FAM168A: variants seen among roughly 807,000 people sequenced by gnomAD.
FAM168A encodes the protein family with sequence similarity 168 member A, also known as protein FAM168A.
In FAM168A, 3 loss-of-function variants were observed where a neutral mutation model predicts 28.5. The observed-to-expected ratio is 0.11, with a 90% CI of 0.05 to 0.27. The LOEUF (loss-of-function observed/expected upper bound fraction) is 0.27, where lower values mean the gene tolerates loss of function less well. Ranked by LOEUF, FAM168A falls within the 10% of genes least tolerant of loss-of-function variation. FAM168A has a pLI of 1.00. For synonymous variants in FAM168A, 122 were observed against 124.2 expected, an observed-to-expected ratio of 0.98 and a Z score of 0.12; for missense variants, 222 against 311.5, an observed-to-expected ratio of 0.71 and a Z score of 2.16.
chr11:73,549,853 A>G (rs1943805207), intron 1 of FAM168A, among the ~76,000 whole-genome samples: 1 of 152,184 alleles, frequency 6.6e-6, no homozygotes, highest in Non-Finnish European at 1.5e-5. Flanking sequence ...CTAGTCCTTC[A>G]CCCCAAACCG....
chr11:73,544,982 ATTTTATATATAG>A (rs1283681168), intron 1 of FAM168A, among the ~76,000 whole-genome samples: 1 of 80,436 alleles, frequency 1.2e-5, no homozygotes, highest in Non-Finnish European at 2.2e-5. Context: ...TATATAATAT[ATTTTATATATAG>A]TATATATAAT....
At chr11:73,407,160 G>T (rs1866520910) in intron 7 of FAM168A, among the ~76,000 whole-genome samples, 1 of 152,138 alleles carries the variant, frequency 6.6e-6, no homozygotes, top group African/African-American at 2.4e-5. Flanking sequence ...GAGAACTGAA[G>T]TTTAAGCCCT....
chr11:73,410,091 TA>T (rs754308676), intron 5 of FAM168A, among the ~76,000 whole-genome samples: 60 of 143,688 alleles, frequency 4.2e-4, no homozygotes, highest in Non-Finnish European at 4.6e-4. Flanking sequence ...GTGCATGTTG[TA>T]AAAAAAAAAA....
intron 4 of FAM168A, among the ~76,000 whole-genome samples, chr11:73,418,847 C>T (rs7928848): frequency 0.068 from 9,909 of 146,326 alleles, 836 homozygotes; most frequent in African/African-American, 0.2. Flanking sequence ...CTTGTTCTGT[C>T]GCCCAGGCTG....
chr11:73,523,492 T>C (rs370371412), intron 1 of FAM168A, among the ~76,000 whole-genome samples: 103 of 152,212 alleles, frequency 6.8e-4, no homozygotes, highest in Middle Eastern at 3.4e-3. Context: ...AGATTGATAG[T>C]TTCACAAGTC....
chr11:73,498,990 C>A (rs1263303486), intron 1 of FAM168A, among the ~76,000 whole-genome samples: 1 of 152,284 alleles, frequency 6.6e-6, no homozygotes, highest in Non-Finnish European at 1.5e-5. Context: ...CCCAGCGGAA[C>A]ACACCCTCTC....
intron 1 of FAM168A, chr11:73,580,427 G>T: frequency 1.6e-6 from 1 of 620,492 alleles, no homozygotes; most frequent in Non-Finnish European, 3.1e-6. Flanking sequence ...AAAGGGAAAA[G>T]CTGAGGCTGG....
At chr11:73,448,159 T>C (rs1867356826) in intron 2 of FAM168A, among the ~76,000 whole-genome samples, 2 of 152,276 alleles carry the variant, frequency 1.3e-5, no homozygotes, top group Middle Eastern at 3.4e-3. Flanking sequence ...CCAATTCTCC[T>C]GCGTTAGCCT....
intron 1 of FAM168A, among the ~76,000 whole-genome samples, chr11:73,524,208 G>T (rs1187624568): frequency 6.6e-6 from 1 of 151,630 alleles, no homozygotes; most frequent in South Asian, 2.1e-4. Flanking sequence ...TTCTCATTTC[G>T]AAATTTTATG....
At chr11:73,443,670 C>T (rs541743253) in intron 2 of FAM168A, among the ~76,000 whole-genome samples, 52 of 152,264 alleles carry the variant, frequency 3.4e-4, no homozygotes, top group Admixed American at 1.2e-3. Flanking sequence ...GCAACAGTGG[C>T]GCTTCATTTA....
chr11:73,437,931 A>T (rs1374863491), intron 2 of FAM168A, among the ~76,000 whole-genome samples: 1 of 152,132 alleles, frequency 6.6e-6, no homozygotes, highest in African/African-American at 2.4e-5. Flanking sequence ...CTGTGATCAG[A>T]CTTCAATTTA....
chr11:73,415,274 T>C (rs1331243785), intron 4 of FAM168A, among the ~76,000 whole-genome samples: 1 of 152,234 alleles, frequency 6.6e-6, no homozygotes, highest in African/African-American at 2.4e-5. Flanking sequence ...ACTGCAGAGC[T>C]AGAAGACTCA....
intron 1 of FAM168A, among the ~76,000 whole-genome samples, chr11:73,522,203 CAA>C (rs5792619): frequency 6.9e-6 from 1 of 144,544 alleles, no homozygotes; most frequent in Non-Finnish European, 1.5e-5. Flanking sequence ...TCTAGTCCAC[CAA>C]AAAAAAAAAA....
chr11:73,419,841 G>A, intron 4 of FAM168A, 33 bp downstream of exon 4: 5 of 1,611,978 alleles, frequency 3.1e-6, no homozygotes, highest in Non-Finnish European at 4.2e-6. Context: ...TCCCAACCAA[G>A]GGGAACAAGG....
At chr11:73,521,538 G>A (rs1943377322) in intron 1 of FAM168A, among the ~76,000 whole-genome samples, 2 of 152,138 alleles carry the variant, frequency 1.3e-5, no homozygotes, top group East Asian at 3.8e-4. Context: ...TTGCTCTGGT[G>A]GAGATGGAGA....
At chr11:73,454,572 CAAAA>C (rs1292191723) in intron 2 of FAM168A, among the ~76,000 whole-genome samples, 2 of 152,144 alleles carry the variant, frequency 1.3e-5, no homozygotes, top group African/African-American at 4.8e-5. Flanking sequence ...ACCCTCAAGC[CAAAA>C]AGCCTGAAAC....
At chr11:73,527,370 G>C (rs1943461246) in intron 1 of FAM168A, among the ~76,000 whole-genome samples, 1 of 152,062 alleles carries the variant, frequency 6.6e-6, no homozygotes. Context: ...CCATCCCACA[G>C]GAAATAACTA....
chr11:73,572,954 A>G lies in FAM168A; in HGVS notation c.-19+24969T>C, dbSNP rs148228801. 1.7e-3 allele frequency among the ~76,000 whole-genome samples: 252 copies of G among 152,316 alleles called. 12 individuals are homozygous for G. The East Asian group carries it at 0.036, about 22-fold the overall frequency. On this transcript the variant is annotated intron_variant, in intron 1 of 7. Transcript: ENST00000356467. Reference sequence around the variant, plus strand: ...TCCACTTAGGAAAAATTTCATCCACATTACTGAAATGCTGTAAACAGAATC... The same window carrying G: ...TCCACTTAGGAAAAATTTCATCCACGTTACTGAAATGCTGTAAACAGAATC...
intron 1 of FAM168A, among the ~76,000 whole-genome samples, chr11:73,544,149 T>C (rs189119515): frequency 1.3e-5 from 2 of 151,714 alleles, no homozygotes; most frequent in East Asian, 3.9e-4. Flanking sequence ...AGAAAAAAAA[T>C]AGTAACAAGG....
Sources: gnomAD v4.1 joint callset for allele counts (sites outside exome capture counted in the v4.1 genomes callset) on GRCh38, gnomAD v4.1.1 for gene constraint, MANE v1.5 for transcripts, NCBI Gene and HGNC (gene_info 2026-07-23, HGNC 2026-07-21) for gene names.